The following ZSWIM5 variants were observed in gnomAD, a reference collection of about 807,000 sequenced individuals.
The protein encoded by ZSWIM5 is zinc finger SWIM-type containing 5.
In ZSWIM5, 55 loss-of-function variants were observed where a neutral mutation model predicts 119.6. That is an observed-to-expected ratio of 0.46 (90% CI 0.37 to 0.58). The LOEUF is 0.58. Among genes scored for constraint, ZSWIM5 ranks in the 20% least tolerant of loss-of-function variants. The probability of loss-of-function intolerance (pLI) is 0.00; values close to 1 mark genes in which losing one functional copy is unlikely to be tolerated. For missense variants in ZSWIM5, 1,193 were observed against 1,512.8 expected (o/e 0.79, Z 3.51); for synonymous variants, 537 against 606.9 (o/e 0.88, Z 1.69).
At chr1:45,156,225 G>T (rs1023511666) in intron 1 of ZSWIM5, among the ~76,000 whole-genome samples, 1 of 151,882 alleles carries the variant, frequency 6.6e-6, no homozygotes, top group Non-Finnish European at 1.5e-5. Context: ...CTTACAAGTG[G>T]GAACTAAACA....
At chr1:45,129,191 C>T (rs1173712051) in intron 1 of ZSWIM5, among the ~76,000 whole-genome samples, 2 of 126,392 alleles carry the variant, frequency 1.6e-5, no homozygotes, top group East Asian at 2.5e-4. Flanking sequence ...GACAGAGTCT[C>T]GCTGTTGCCC....
chr1:45,126,293 T>C (rs12127623), intron 1 of ZSWIM5, among the ~76,000 whole-genome samples: 74 of 148,038 alleles, frequency 5.0e-4, no homozygotes, highest in Non-Finnish European at 1.0e-3. Context: ...TCAGCAAGAA[T>C]GACAAAGGAA....
At chr1:45,080,908 G>A (rs1570070876) in intron 2 of ZSWIM5, among the ~76,000 whole-genome samples, 1 of 152,158 alleles carries the variant, frequency 6.6e-6, no homozygotes, top group Admixed American at 6.5e-5. Context: ...TCAAGGCAAT[G>A]TCTAGCTACA....
intron 5 of ZSWIM5, among the ~76,000 whole-genome samples, chr1:45,050,478 T>C (rs1259726464): frequency 6.6e-6 from 1 of 152,108 alleles, no homozygotes; most frequent in Non-Finnish European, 1.5e-5. Flanking sequence ...ACTGAATTAG[T>C]TGAACTAAAA....
At chr1:45,118,566 C>T (rs1279151458) in intron 1 of ZSWIM5, among the ~76,000 whole-genome samples, 2 of 151,762 alleles carry the variant, frequency 1.3e-5, no homozygotes, top group Non-Finnish European at 2.9e-5. Context: ...CATGGTGAAA[C>T]CCCATCTCTA....
At chr1:45,037,204 G>A (rs899583440) in intron 8 of ZSWIM5, among the ~76,000 whole-genome samples, 14 of 150,672 alleles carry the variant, frequency 9.3e-5, no homozygotes, top group African/African-American at 3.4e-4. Flanking sequence ...TCCGCCTCCT[G>A]GGTTCAAGCA....
Position 45,190,927 on chromosome 1 carries a change from A to ATTTTTT in ZSWIM5, c.595+14823_595+14828dup, listed in dbSNP as rs746764436. On this transcript the variant is annotated intron_variant, in intron 1 of 13. Transcript: ENST00000359600. The stretch of plus-strand genomic sequence containing the variant: ...TCCATGTTCGACTGAAATAGCTGGA[A>ATTTTTT]TTTTTTTTTTTTTTTTTTTTTTTTT... Among the ~76,000 whole-genome samples the ATTTTTT allele has an allele frequency of 3.6e-3, 178 of 49,004 alleles. 48 individuals are homozygous for ATTTTTT. The highest frequency in any genetic ancestry group is 6.0e-3 in the African/African-American group (64 of 10,680). 32.1% of individuals were successfully genotyped at this position (49,004 alleles called of 152,430 possible). A position where few individuals can be genotyped will look rare whatever the true frequency, so the allele number is the denominator to read the frequency against.
chr1:45,051,322 G>T, intron 4 of ZSWIM5, 69 bp from the exon 5 acceptor site: 1 of 1,413,688 alleles, frequency 7.1e-7, no homozygotes, highest in Non-Finnish European at 9.4e-7. Context: ...TAATGTTTCA[G>T]TTTCATTTTT....
chr1:45,129,991 G>A lies in ZSWIM5; in HGVS notation c.596-41754C>T, dbSNP rs189374503. ...CAGCTCACTGCAACCTCCGCCTCCCGGGTTCAAGTGATTCTCCTGCCTCAG... is the reference window on the plus strand; with the variant it reads ...CAGCTCACTGCAACCTCCGCCTCCCAGGTTCAAGTGATTCTCCTGCCTCAG... On this transcript the variant is annotated intron_variant, in intron 1 of 13. Transcript: ENST00000359600. 5.7e-3 allele frequency among the ~76,000 whole-genome samples: 871 copies of A among 151,992 alleles called. 5 individuals are homozygous for A. Among genetic ancestry groups the A allele is most frequent in the Non-Finnish European group, 8.3e-3 (561 of 67,966 alleles).
chr1:45,120,237 G>A (rs978724013), intron 1 of ZSWIM5, among the ~76,000 whole-genome samples: 1 of 152,144 alleles, frequency 6.6e-6, no homozygotes, highest in Non-Finnish European at 1.5e-5. Flanking sequence ...TCAGCTACTC[G>A]AGAGGCTGAG....
At chr1:45,120,535 C>T (rs944366525) in intron 1 of ZSWIM5, among the ~76,000 whole-genome samples, 16 of 152,062 alleles carry the variant, frequency 1.1e-4, no homozygotes, top group African/African-American at 3.6e-4. Flanking sequence ...GTGACCATGG[C>T]TCAGTGCAGC....
chr1:45,130,400 C>CA (rs1192837678), intron 1 of ZSWIM5, among the ~76,000 whole-genome samples: 1 of 150,196 alleles, frequency 6.7e-6, no homozygotes, highest in African/African-American at 2.4e-5. Flanking sequence ...ACACAAAACC[C>CA]AAAAACCAAA....
chr1:45,180,215 G>A lies in ZSWIM5; in HGVS notation c.595+25541C>T, dbSNP rs140336598. On this transcript the variant is annotated intron_variant, in intron 1 of 13. Transcript: ENST00000359600. ...GGTGACAGACGGCACCTGGAAAATC[G>A]GGCCACTCCCACCCGAATACTGCGC... 9.7e-3 allele frequency among the ~76,000 whole-genome samples: 1,469 copies of A among 152,212 alleles called. 32 individuals carry two copies. Among genetic ancestry groups the A allele is most frequent in the African/African-American group, 0.034 (1,407 of 41,540 alleles).
At chr1:45,081,992 C>A (rs1306059583) in intron 2 of ZSWIM5, among the ~76,000 whole-genome samples, 2 of 152,044 alleles carry the variant, frequency 1.3e-5, no homozygotes, top group Admixed American at 6.5e-5. Context: ...AAGAAAAATT[C>A]TTCTGCCTTG....
intron 3 of ZSWIM5, among the ~76,000 whole-genome samples, chr1:45,059,652 T>TGG (rs1426398044): frequency 2.6e-5 from 4 of 152,130 alleles, no homozygotes. Flanking sequence ...ACACTTTAAA[T>TGG]GGGTGAATTG....
intron 1 of ZSWIM5, among the ~76,000 whole-genome samples, chr1:45,176,610 C>T (rs1423784547): frequency 6.6e-6 from 1 of 151,992 alleles, no homozygotes; most frequent in African/African-American, 2.4e-5. Context: ...AAATTTGGCT[C>T]CTGTTATCCT....
intron 1 of ZSWIM5, among the ~76,000 whole-genome samples, chr1:45,144,216 T>C (rs1395592581): frequency 6.6e-6 from 1 of 152,012 alleles, no homozygotes; most frequent in African/African-American, 2.4e-5. Flanking sequence ...GTTAGAGGAA[T>C]CAAATGAACT....
chr1:45,173,000 C>CA (rs1645955564), intron 1 of ZSWIM5, among the ~76,000 whole-genome samples: 1 of 151,764 alleles, frequency 6.6e-6, no homozygotes, highest in East Asian at 1.9e-4. Flanking sequence ...CCAGTCTCTA[C>CA]AAAAAATAAA....
chr1:45,182,894 A>G (rs1484372371), intron 1 of ZSWIM5, among the ~76,000 whole-genome samples: 1 of 151,836 alleles, frequency 6.6e-6, no homozygotes, highest in African/African-American at 2.4e-5. Context: ...TGCACCAAGC[A>G]GACCTAATAG....
Sources: gnomAD v4.1 joint callset for allele counts (sites outside exome capture counted in the v4.1 genomes callset) on GRCh38, gnomAD v4.1.1 for gene constraint, MANE v1.5 for transcripts, NCBI Gene and HGNC (gene_info 2026-07-23, HGNC 2026-07-21) for gene names.